Variants in PSEN2 observed in about 807,000 individuals in gnomAD.
PSEN2 encodes the protein presenilin-2.
In PSEN2, 32 loss-of-function variants were observed where a neutral mutation model predicts 49.1. The observed-to-expected ratio is 0.65, with a 90% CI of 0.49 to 0.88. The LOEUF (loss-of-function observed/expected upper bound fraction) is 0.88. Among genes scored for constraint, PSEN2 ranks in the 40% least tolerant of loss-of-function variants. The pLI is 0.00. For missense variants in PSEN2, 522 were observed against 586.9 expected, an observed-to-expected ratio of 0.89 and a Z score of 1.14; for synonymous variants, 255 against 244.0, an observed-to-expected ratio of 1.05 and a Z score of -0.42.
At chr1:226,874,796 T>A (rs971059473) in intron 2 of PSEN2, among the ~76,000 whole-genome samples, 3 of 152,246 alleles carry the variant, frequency 2.0e-5, no homozygotes, top group Non-Finnish European at 4.4e-5. Context: ...GATTAGACTG[T>A]CTGAGGCCTC....
chr1:226,874,818 G>T (rs924394503), intron 2 of PSEN2, among the ~76,000 whole-genome samples: 3 of 152,236 alleles, frequency 2.0e-5, no homozygotes, highest in Non-Finnish European at 4.4e-5. Flanking sequence ...TGGCCAGGGA[G>T]TATGTGGTTC....
At chr1:226,896,864 T>A (rs1260637169), downstream of PSEN2, among the ~76,000 whole-genome samples, 1 of 152,134 alleles carries the variant, frequency 6.6e-6, no homozygotes, top group Non-Finnish European at 1.5e-5. Flanking sequence ...AAGTGTGCCC[T>A]GGGGTTCAAA....
At position 226,885,440 on chromosome 1, in the gene PSEN2, C is replaced by A. The variant is rs905480947; in HGVS notation, c.357-98C>A. On this transcript the variant is annotated intron_variant, in intron 5 of 12. Transcript: ENST00000366783. ...GGCAGCATGTGGGCAGCATGGGCAT[C>A]CCAGGCACCTCCCCTAGCAGGTCCA... 4 of 1,428,734 alleles carry A rather than the reference C, an allele frequency of 2.8e-6. No homozygotes were observed. The African/African-American group carries it at 5.6e-5, about 20-fold the overall frequency. The allele number at this position is 1,428,734 out of a possible 1,614,324, so 88.5% of individuals were successfully genotyped here.
At chr1:226,898,365 G>A (rs1351135825), downstream of PSEN2, 2 of 152,242 alleles carry the variant, frequency 1.3e-5, no homozygotes, top group African/African-American at 4.8e-5. Flanking sequence ...CTGTGCTGCA[G>A]TGAGCATCCC....
downstream of PSEN2, among the ~76,000 whole-genome samples, chr1:226,900,818 G>A (rs1480254957): frequency 6.6e-6 from 1 of 152,180 alleles, no homozygotes; most frequent in African/African-American, 2.4e-5. Flanking sequence ...TCGAGACAGT[G>A]GTTGTGGACT....
chr1:226,888,049 C>G (rs200506152), intron 6 of PSEN2, 42 bp from the exon 7 acceptor site: 3 of 1,539,092 alleles, frequency 1.9e-6, no homozygotes, highest in Non-Finnish European at 2.7e-6. Context: ...GAATTTGTGG[C>G]GCTTGGGGAC....
rs760977533 is a variant in PSEN2, at chr1:226,891,801, C to T, written c.1029C>T (p.Pro343=). 4 of 1,613,984 alleles carry T rather than the reference C, an allele frequency of 2.5e-6. No individual in the cohort carries two copies. The African/African-American group carries it at 4.0e-5, about 16-fold the overall frequency. The change falls in exon 11 of 13, where the codon CCC becomes CCT. Residue 343 remains proline, a synonymous_variant. Transcript: ENST00000366783. ...CATACCCCGAAGTCTTTGAGCCTCC[C>T]TTGACTGGCTACCCAGGGGAGGAGC... ...EPSYPEVFEP[P]LTGYPGEELE...
rs769386876 is a variant in PSEN2, at chr1:226,891,783, C to T, written c.1011C>T (p.Pro337=). The T allele has an allele frequency of 1.9e-5, 30 of 1,614,032 alleles. No homozygotes were observed. Among genetic ancestry groups the T allele is most frequent in the African/African-American group, 8.0e-5 (6 of 74,916 alleles). Residue 337 remains proline, a synonymous_variant, in exon 11 of 13, where the codon CCC becomes CCT. Transcript: ENST00000366783. The stretch of plus-strand genomic sequence containing the variant: ...ACAGTTTTGGGGAGCCTTCATACCC[C>T]GAAGTCTTTGAGCCTCCCTTGACTG... ...SYDSFGEPSY[P]EVFEPPLTGY...
chr1:226,884,153 T>C (rs902932925), intron 5 of PSEN2, among the ~76,000 whole-genome samples: 1 of 152,198 alleles, frequency 6.6e-6, no homozygotes, highest in Non-Finnish European at 1.5e-5. Flanking sequence ...GTATAATGGG[T>C]TGATAACGCA....
intron 3 of PSEN2, among the ~76,000 whole-genome samples, chr1:226,877,224 A>T (rs920292689): frequency 1.3e-5 from 2 of 152,200 alleles, no homozygotes; most frequent in Non-Finnish European, 2.9e-5. Flanking sequence ...ACCATCCCGA[A>T]TGCGGATCCC....
chr1:226,890,004 T>G, intron 8 of PSEN2, 31 bp from the exon 9 acceptor site: 2 of 1,564,244 alleles, frequency 1.3e-6, no homozygotes, highest in Non-Finnish European at 1.8e-6. Context: ...TGCCCGGGGA[T>G]AGTTTGACAA....
chr1:226,895,749 T>C lies in PSEN2; in HGVS notation c.*170T>C. ...GAACCAGCTCTTTGGTGCCAGCTGTTTCATCACCAGACTTTGGCTCCCGCT... is the reference window on the plus strand; with the variant it reads ...GAACCAGCTCTTTGGTGCCAGCTGTCTCATCACCAGACTTTGGCTCCCGCT... On this transcript the variant is annotated 3_prime_UTR_variant, in exon 13 of 13. Transcript: ENST00000366783. The C allele has an allele frequency of 1.2e-6, 1 of 810,492 alleles. No individual in the cohort carries two copies. The highest frequency in any genetic ancestry group is 1.8e-5 in the South Asian group (1 of 55,652). 50.2% of individuals were successfully genotyped at this position (810,492 alleles called of 1,614,324 possible).
Position 226,884,056 on chromosome 1 carries a change from C to A in PSEN2, c.356+137C>A, listed in dbSNP as rs1355197215. 5 of 755,576 alleles carry A rather than the reference C, an allele frequency of 6.6e-6. No individual in the cohort carries two copies. The East Asian group carries it at 1.3e-4, about 20-fold the overall frequency. The allele number at this position is 755,576 out of a possible 1,614,324, so 46.8% of individuals were successfully genotyped here. A position where few individuals can be genotyped will look rare whatever the true frequency, so the allele number is the denominator to read the frequency against. On this transcript the variant is annotated intron_variant, in intron 5 of 12. Coordinates refer to ENST00000366783, the MANE Select transcript of PSEN2 (RefSeq NM_000447.3). ...GTAAAGAGCAGGGATGAAGAACCGCCCAGGTTCATGGCCTGGCTCACTGCC... is the reference window on the plus strand; with the variant it reads ...GTAAAGAGCAGGGATGAAGAACCGCACAGGTTCATGGCCTGGCTCACTGCC...
chr1:226,876,277 C>T (rs1349430020), intron 3 of PSEN2, among the ~76,000 whole-genome samples: 1 of 152,188 alleles, frequency 6.6e-6, no homozygotes, highest in Non-Finnish European at 1.5e-5. Context: ...AGCAGGCCCT[C>T]AGGAATTCAG....
Position 226,890,253 on chromosome 1 carries a change from C to T in PSEN2, c.886+120C>T, listed in dbSNP as rs1197478160. On this transcript the variant is annotated intron_variant, in intron 9 of 12. Coordinates refer to ENST00000366783, the MANE Select transcript of PSEN2 (RefSeq NM_000447.3). The stretch of plus-strand genomic sequence containing the variant: ...GACTGGGCGATCCCAGGAGGGTCTC[C>T]ACTTTCAGAAGCCAGGGAGGGCAGT... The T allele has an allele frequency of 5.1e-5, 42 of 829,826 alleles. No individual in the cohort carries two copies. In the Admixed American group the frequency reaches 6.5e-4, roughly 13 times the overall value. 51.4% of individuals were successfully genotyped at this position (829,826 alleles called of 1,614,324 possible). A position where few individuals can be genotyped will look rare whatever the true frequency, so the allele number is the denominator to read the frequency against.
chr1:226,879,218 AGAT>A (rs1341834656), intron 3 of PSEN2, among the ~76,000 whole-genome samples: 2 of 152,102 alleles, frequency 1.3e-5, no homozygotes, highest in African/African-American at 4.8e-5. Flanking sequence ...TCATTTCCAT[AGAT>A]GATGAAGGAA....
intron 9 of PSEN2, 60 bp downstream of exon 9, chr1:226,890,193 CAG>C (rs1168589154): frequency 1.5e-5 from 21 of 1,384,634 alleles, no homozygotes; most frequent in Non-Finnish European, 2.1e-5. Flanking sequence ...TGTGGGGGGA[CAG>C]GGGCCTGCTT....
At chr1:226,878,118 C>T (rs1035928421) in intron 3 of PSEN2, among the ~76,000 whole-genome samples, 17 of 151,596 alleles carry the variant, frequency 1.1e-4, no homozygotes, top group Non-Finnish European at 2.2e-4. Flanking sequence ...CTCACTCTGT[C>T]GCCCAGGCTG....
chr1:226,895,390 T>A, intron 12 of PSEN2, 34 bp from the exon 13 acceptor site: 1 of 1,613,036 alleles, frequency 6.2e-7, no homozygotes, highest in Non-Finnish European at 8.5e-7. Flanking sequence ...ACACCAGGGA[T>A]CACCACGCTC....
Sources: gnomAD v4.1 joint callset for allele counts (sites outside exome capture counted in the v4.1 genomes callset) on GRCh38, gnomAD v4.1.1 for gene constraint, MANE v1.5 for transcripts, NCBI Gene and HGNC (gene_info 2026-07-23, HGNC 2026-07-21) for gene names.